TRIM35: variants seen among roughly 807,000 people sequenced by gnomAD.
TRIM35 encodes the protein E3 ubiquitin-protein ligase TRIM35.
A neutral mutation model predicts 49.1 loss-of-function variants in TRIM35; 37 were observed. That is an observed-to-expected ratio of 0.75 (90% confidence interval 0.58 to 0.99). The LOEUF (loss-of-function observed/expected upper bound fraction) is 0.99. TRIM35 is among the 50% of genes least tolerant of loss of function. TRIM35 has a pLI of 0.00. For missense variants in TRIM35, 648 were observed against 702.7 expected (o/e 0.92, Z 0.88); for synonymous variants, 302 against 289.3 (o/e 1.04, Z -0.45).
intron 4 of TRIM35, 108 bp downstream of exon 4, chr8:27,290,048 T>C: frequency 7.8e-7 from 1 of 1,286,466 alleles, no homozygotes; most frequent in Non-Finnish European, 1.1e-6. Context: ...TCATGTGTGC[T>C]GGTGCACCCA....
Position 27,287,385 on chromosome 8 carries a change from T to C in TRIM35, c.*165A>G, listed in dbSNP as rs1802346190. 5.3e-6 allele frequency: 4 copies of C among 752,472 alleles called. No homozygotes were observed. The highest frequency in any genetic ancestry group is 2.8e-5 in the East Asian group (1 of 35,852). 46.6% of individuals were successfully genotyped at this position (752,472 alleles called of 1,614,324 possible). ...CCATGGGCACAGAAGGGACCAAACA[T>C]GGAGAGAGGCACAGCCTGGAGTCAT... On this transcript the variant is annotated 3_prime_UTR_variant, in exon 6 of 6. Transcript: ENST00000305364. This position sits in a 1 kb window ranked among gnomAD's most constrained non-coding sequence, Gnocchi z 6.0.
chr8:27,285,445 T>C lies in TRIM35; in HGVS notation c.*2105A>G, dbSNP rs1187095796. On this transcript the variant is annotated 3_prime_UTR_variant, in exon 6 of 6. Coordinates refer to ENST00000305364, the MANE Select transcript of TRIM35 (RefSeq NM_171982.5). ...AGCATTATGTATAATAGTCAAGAAG[T>C]AGAAACGATCCAAATGTCCACCAAT... 2 of 152,038 alleles carry C rather than the reference T, an allele frequency of 1.3e-5. No individual in the cohort carries two copies. The highest frequency in any genetic ancestry group is 2.9e-5 in the Non-Finnish European group (2 of 68,018). 9.4% of individuals were successfully genotyped at this position (152,038 alleles called of 1,614,324 possible).
At chr8:27,289,116 A>G in intron 5 of TRIM35, 46 bp downstream of exon 5, 1 of 1,531,390 alleles carries the variant, frequency 6.5e-7, no homozygotes, top group Non-Finnish European at 9.0e-7. Flanking sequence ...GCTAACATGA[A>G]GGGCTTCCAC....
At chr8:27,309,921 G>C (rs182467985) in intron 1 of TRIM35, among the ~76,000 whole-genome samples, 54 of 151,668 alleles carry the variant, frequency 3.6e-4, no homozygotes, top group Non-Finnish European at 5.9e-5. Context: ...GAACCCAGGA[G>C]GCGGAGGTTG....
At chr8:27,300,417 C>G (rs1802659262) in intron 1 of TRIM35, among the ~76,000 whole-genome samples, 1 of 149,710 alleles carries the variant, frequency 6.7e-6, no homozygotes, top group South Asian at 2.1e-4. Context: ...TTGGTTAGAA[C>G]TAGCCCACAG....
rs781717331 is a variant in TRIM35, at chr8:27,290,226, G to A, written c.763-48C>T. Reference sequence around the variant, plus strand: ...ATAACACAGAGACACAGATGTAGAGGAAATGTATATGTTTCTGACCTCAAA... The same window carrying A: ...ATAACACAGAGACACAGATGTAGAGAAAATGTATATGTTTCTGACCTCAAA... On this transcript the variant is annotated intron_variant, in intron 3 of 5. Coordinates refer to ENST00000305364, the MANE Select transcript of TRIM35 (RefSeq NM_171982.5). The A allele has an allele frequency of 1.9e-6, 3 of 1,586,960 alleles. No homozygotes were observed. In the East Asian group the frequency reaches 6.7e-5, roughly 35 times the overall value.
In TRIM35 at chr8:27,294,256, C is replaced by T. The variant is rs1802520041; in HGVS notation, c.586G>A (p.Glu196Lys). The change falls in exon 3 of 6, where the codon GAG (glutamate) becomes AAG (lysine). Residue 196 changes from glutamate to lysine, a missense_variant. Coordinates refer to ENST00000305364, the MANE Select transcript of TRIM35 (RefSeq NM_171982.5). Reference protein sequence around the residue: ...RIRQEFDKLREFLRVEEQAIL... With the variant: ...RIRQEFDKLRKFLRVEEQAIL... Reference sequence around the variant, plus strand: ...GCCTGCTCCTCCACTCTCAAGAACTCGCGAAGCTTATCAAACTCCTGCCGG... The same window carrying T: ...GCCTGCTCCTCCACTCTCAAGAACTTGCGAAGCTTATCAAACTCCTGCCGG... 2 of 1,614,174 alleles carry T rather than the reference C, an allele frequency of 1.2e-6. No homozygotes were observed. Among genetic ancestry groups the T allele is most frequent in the Non-Finnish European group, 8.5e-7 (1 of 1,180,052 alleles).
At chr8:27,307,610 C>T (rs940032428) in intron 1 of TRIM35, among the ~76,000 whole-genome samples, 2 of 152,170 alleles carry the variant, frequency 1.3e-5, no homozygotes, top group African/African-American at 4.8e-5. Flanking sequence ...GTACCTTCTG[C>T]CAGCCCTGAC....
At chr8:27,302,624 T>G (rs935075413) in intron 1 of TRIM35, among the ~76,000 whole-genome samples, 3 of 152,134 alleles carry the variant, frequency 2.0e-5, no homozygotes, top group Non-Finnish European at 4.4e-5. Flanking sequence ...TGCAAGCTGG[T>G]CTGAAACTCC....
In TRIM35 at chr8:27,287,975, G is replaced by A. The variant is rs768630421; in HGVS notation, c.1057C>T (p.Gln353Ter). 2 of 1,613,316 alleles carry A rather than the reference G, an allele frequency of 1.2e-6. No homozygotes were observed. The highest frequency in any genetic ancestry group is 1.1e-5 in the South Asian group (1 of 91,084). The change falls in exon 6 of 6, where the codon CAG becomes TAG. Residue 353 changes from glutamine (Q) to a stop codon, truncating the protein, a stop_gained. Transcript: ENST00000305364. LOFTEE classifies it high-confidence loss of function. The surrounding 1 kb of genome is among the most constrained non-coding windows in gnomAD (Gnocchi z 6.0). Reference sequence around the variant, plus strand: ...GCCACCTCCCAGGCGTGCGAGCCCTGTGAGAAGACACGGGAGCCCAGCAGG... The same window carrying A: ...GCCACCTCCCAGGCGTGCGAGCCCTATGAGAAGACACGGGAGCCCAGCAGG... ...PCLLGSRVFSQGSHAWEVALG... is the reference protein window; with the variant it reads ...PCLLGSRVFS
chr8:27,300,220 G>A (rs1802654654), intron 1 of TRIM35, among the ~76,000 whole-genome samples: 2 of 152,204 alleles, frequency 1.3e-5, no homozygotes, highest in South Asian at 4.1e-4. Flanking sequence ...TAAGGATCCT[G>A]CCCTAGCTGA....
Position 27,286,343 on chromosome 8 carries a change from G to C in TRIM35, c.*1207C>G, listed in dbSNP as rs1802318800. On this transcript the variant is annotated 3_prime_UTR_variant, in exon 6 of 6. Transcript: ENST00000305364. ...TCAGCAGAGACAAGAGGGCAGCGAG[G>C]CCCAGCCTCCTCTTCCCTCTCCCAC... is the stretch of plus-strand genomic sequence containing the variant. 14 of 361,762 alleles carry C rather than the reference G, an allele frequency of 3.9e-5. No individual in the cohort carries two copies. The highest frequency in any genetic ancestry group is 7.1e-4 in the Middle Eastern group (1 of 1,418). 22.4% of individuals were successfully genotyped at this position (361,762 alleles called of 1,614,324 possible).
chr8:27,293,288 C>A (rs907149836), intron 3 of TRIM35, among the ~76,000 whole-genome samples: 1 of 151,704 alleles, frequency 6.6e-6, no homozygotes, highest in Non-Finnish European at 1.5e-5. Flanking sequence ...CTTTCGAGCC[C>A]AGAAATTTCC....
chr8:27,293,414 G>A (rs1802495496), intron 3 of TRIM35, among the ~76,000 whole-genome samples: 1 of 151,884 alleles, frequency 6.6e-6, no homozygotes, highest in Non-Finnish European at 1.5e-5. Flanking sequence ...CTTTTCTTAA[G>A]AAGACAGAAA....
chr8:27,295,486 G>A (rs1418512797), intron 2 of TRIM35, among the ~76,000 whole-genome samples: 1 of 152,148 alleles, frequency 6.6e-6, no homozygotes, highest in African/African-American at 2.4e-5. Context: ...TTGAAAAATA[G>A]TTAAGTCAAA....
rs910551089 is a variant in TRIM35, at chr8:27,286,099, T to C, written c.*1451A>G. On this transcript the variant is annotated 3_prime_UTR_variant, in exon 6 of 6. Transcript: ENST00000305364. ...GGGATGGGCAGAAGGCAGGATGCTGTCCTTGGTCAGGAATGTGACCCAGAT... is the reference window on the plus strand; with the variant it reads ...GGGATGGGCAGAAGGCAGGATGCTGCCCTTGGTCAGGAATGTGACCCAGAT... 2.2e-6 allele frequency: 1 copy of C among 456,270 alleles called. No homozygotes were observed. Among genetic ancestry groups the C allele is most frequent in the Non-Finnish European group, 4.4e-6 (1 of 226,966 alleles). 28.3% of individuals were successfully genotyped at this position (456,270 alleles called of 1,614,324 possible).
At position 27,287,217 on chromosome 8, in the gene TRIM35, A is replaced by G. The variant is rs1802342085; in HGVS notation, c.*333T>C. On this transcript the variant is annotated 3_prime_UTR_variant, in exon 6 of 6. Transcript: ENST00000305364. This position sits in a 1 kb window ranked among gnomAD's most constrained non-coding sequence, Gnocchi z 6.0. ...CATCCAATGGCTTTACCACACCTCG[A>G]TGAGATGGTTTACAACAGGCCCATT... The G allele has an allele frequency of 4.0e-6, 1 of 250,264 alleles. No homozygotes were observed. Among genetic ancestry groups the G allele is most frequent in the Non-Finnish European group, 7.7e-6 (1 of 129,928 alleles). The allele number at this position is 250,264 out of a possible 1,614,324, so 15.5% of individuals were successfully genotyped here.
chr8:27,296,269 C>G (rs112913958), intron 2 of TRIM35, among the ~76,000 whole-genome samples: 2,999 of 151,810 alleles, frequency 0.02, 108 homozygotes, highest in African/African-American at 0.068. Context: ...AACCCATCAC[C>G]TAGGCATTAA....
intron 1 of TRIM35, among the ~76,000 whole-genome samples, chr8:27,307,965 T>C (rs1169329624): frequency 3.9e-5 from 6 of 152,204 alleles, no homozygotes; most frequent in South Asian, 2.1e-4. Context: ...CTGGATTACC[T>C]GGGTGGGCCC....
Sources: gnomAD v4.1 joint callset for allele counts (sites outside exome capture counted in the v4.1 genomes callset) on GRCh38, gnomAD v4.1.1 for gene constraint, Gnocchi (gnomAD v3.1) non-coding constraint, MANE v1.5 for transcripts, NCBI Gene and HGNC (gene_info 2026-07-23, HGNC 2026-07-21) for gene names.